LTBP1: variants seen among roughly 807,000 people sequenced by gnomAD.
The protein encoded by LTBP1 is latent transforming growth factor beta binding protein 1, also known as latent-transforming growth factor beta-binding protein 1.
In LTBP1, 129 loss-of-function variants were observed where a neutral mutation model predicts 207.6. That is an observed-to-expected ratio of 0.62 (90% CI 0.54 to 0.72). The LOEUF (loss-of-function observed/expected upper bound fraction) is 0.72. LTBP1 is among the 30% of genes least tolerant of loss of function. LTBP1 has a pLI of 0.00. For missense variants in LTBP1, 2,281 were observed against 2,217.2 expected, an observed-to-expected ratio of 1.03 and a Z score of -0.58; for synonymous variants, 963 against 833.7, an observed-to-expected ratio of 1.16 and a Z score of -2.67.
In LTBP1 at chr2:33,188,616, A is replaced by T. The variant is rs1335528600; in HGVS notation, c.1466A>T (p.His489Leu). The part of the protein sequence containing the change: ...PPNIVNIHVK[H>L]PPEASVQIHQ... Reference sequence around the variant, plus strand: ...AACATAGTCAATATCCATGTGAAACATCCTCCTGAAGCTTCCGTCCAGATA... The same window carrying T: ...AACATAGTCAATATCCATGTGAAACTTCCTCCTGAAGCTTCCGTCCAGATA... The change falls in exon 7 of 34, where the codon CAT (histidine) becomes CTT (leucine). Residue 489 changes from histidine to leucine, a missense_variant. This residue lies in a region of LTBP1 where 1,671 missense variants were observed against 1,634.8 expected (regional missense o/e 1.02). Coordinates refer to ENST00000404816, the MANE Select transcript of LTBP1 (RefSeq NM_206943.4). 5 of 1,613,956 alleles carry T rather than the reference A, an allele frequency of 3.1e-6. No individual in the cohort carries two copies. Among genetic ancestry groups the T allele is most frequent in the Non-Finnish European group, 3.4e-6 (4 of 1,180,008 alleles).
rs577311211 is a variant in LTBP1 at position 33,216,728 on chromosome 2, C to T, written c.1702-824C>T. 1.4e-3 allele frequency among the ~76,000 whole-genome samples: 210 copies of T among 152,312 alleles called. 1 individual carries two copies. The highest frequency in any genetic ancestry group is 4.7e-3 in the African/African-American group (196 of 41,580). On this transcript the variant is annotated intron_variant, in intron 7 of 33. Transcript: ENST00000404816. The stretch of plus-strand genomic sequence containing the variant: ...AGAGTCAGCTGGTCCTCCCCTCAGG[C>T]TGGCCTTTGGATGGGTCCACAGAGC...
chr2:33,148,084 G>A (rs1456941912), intron 5 of LTBP1, among the ~76,000 whole-genome samples: 4 of 152,136 alleles, frequency 2.6e-5, no homozygotes, highest in Non-Finnish European at 5.9e-5. Flanking sequence ...CCAATAGTGT[G>A]GTGGTCTTAT....
chr2:33,154,076 A>G (rs1020366714), intron 5 of LTBP1, among the ~76,000 whole-genome samples: 3 of 152,168 alleles, frequency 2.0e-5, no homozygotes, highest in African/African-American at 7.2e-5. Flanking sequence ...GGTTTCCCAG[A>G]ACTCTGCCTG....
intron 2 of LTBP1, among the ~76,000 whole-genome samples, chr2:32,954,548 G>T (rs868439378): frequency 1.5e-5 from 2 of 135,954 alleles, no homozygotes; most frequent in African/African-American, 2.8e-5. Context: ...TCCACTCCCC[G>T]CCCCCCCCCA....
intron 4 of LTBP1, among the ~76,000 whole-genome samples, chr2:33,132,482 G>A (rs917151226): frequency 1.3e-5 from 2 of 152,188 alleles, no homozygotes; most frequent in Admixed American, 1.3e-4. Context: ...CCAGCTAAGC[G>A]GGTCCACAGA....
chr2:32,959,541 G>GCA (rs200578075), intron 2 of LTBP1, among the ~76,000 whole-genome samples: 5,447 of 113,446 alleles, frequency 0.048, 254 homozygotes, highest in East Asian at 0.2. Flanking sequence ...TATTATTGCT[G>GCA]TATATATATG....
At chr2:33,391,487 A>G (rs2095314085) in intron 32 of LTBP1, among the ~76,000 whole-genome samples, 1 of 152,196 alleles carries the variant, frequency 6.6e-6, no homozygotes, top group Admixed American at 6.5e-5. Flanking sequence ...AAGAAAGCCC[A>G]GCTTGCCCCA....
intron 3 of LTBP1, among the ~76,000 whole-genome samples, chr2:33,096,549 AACG>A (rs1263299080): frequency 2.0e-5 from 3 of 152,220 alleles, no homozygotes; most frequent in African/African-American, 7.2e-5. Context: ...TCCTGACAAG[AACG>A]ACAACAGGAT....
chr2:33,327,836 G>A (rs145860485), intron 24 of LTBP1, among the ~76,000 whole-genome samples: 3 of 151,990 alleles, frequency 2.0e-5, no homozygotes, highest in East Asian at 3.9e-4. Context: ...ATTCAAGTTG[G>A]TGTTTAAAAT....
intron 3 of LTBP1, among the ~76,000 whole-genome samples, chr2:33,040,330 C>T (rs757995515): frequency 1.4e-4 from 21 of 152,292 alleles, no homozygotes; most frequent in African/African-American, 4.8e-4. Context: ...ACACACATGA[C>T]GATTAGCAGA....
chr2:33,331,737 C>A (rs538682666), intron 24 of LTBP1, among the ~76,000 whole-genome samples: 1 of 152,208 alleles, frequency 6.6e-6, no homozygotes, highest in East Asian at 1.9e-4. Context: ...ATCTATATCC[C>A]TACCGATTTT....
At chr2:33,239,273 T>G (rs1189515301) in intron 9 of LTBP1, among the ~76,000 whole-genome samples, 1 of 152,230 alleles carries the variant, frequency 6.6e-6, no homozygotes, top group African/African-American at 2.4e-5. Flanking sequence ...ATGAATTTCT[T>G]TCCTAGTTTC....
intron 31 of LTBP1, among the ~76,000 whole-genome samples, chr2:33,385,388 T>C (rs2095256964): frequency 6.6e-6 from 1 of 152,260 alleles, no homozygotes; most frequent in African/African-American, 2.4e-5. Flanking sequence ...CACTCACTCA[T>C]TATAATACTG....
At chr2:33,362,659 C>A (rs1288605217) in intron 28 of LTBP1, among the ~76,000 whole-genome samples, 1 of 152,158 alleles carries the variant, frequency 6.6e-6, no homozygotes, top group Non-Finnish European at 1.5e-5. Context: ...AGCAAGTCAT[C>A]TATGGAGTCT....
At chr2:33,194,816 A>G (rs79000637) in intron 7 of LTBP1, among the ~76,000 whole-genome samples, 4,497 of 152,342 alleles carry the variant, frequency 0.03, 92 homozygotes, top group Middle Eastern at 0.12. Flanking sequence ...CTAGAGAGAA[A>G]GTCATTGCTT....
In LTBP1 at chr2:33,227,878, C is replaced by T. The variant is rs1247842105; in HGVS notation, c.1876+5727C>T. On this transcript the variant is annotated intron_variant, in intron 9 of 33. Transcript: ENST00000404816. ...GGAGTGCAGTGGCATAATCTTGGCT[C>T]ACTGCAGCCTCTGCCTCCCAGATTC... Among the ~76,000 whole-genome samples the T allele has an allele frequency of 3.6e-5, 5 of 137,376 alleles. No individual in the cohort carries two copies. In the East Asian group the frequency reaches 1.2e-3, roughly 33 times the overall value. 90.1% of individuals were successfully genotyped at this position (137,376 alleles called of 152,430 possible). A position where few individuals can be genotyped will look rare whatever the true frequency, so the allele number is the denominator to read the frequency against.
chr2:33,030,487 G>T (rs531377138), intron 3 of LTBP1, among the ~76,000 whole-genome samples: 1 of 152,110 alleles, frequency 6.6e-6, no homozygotes, highest in Non-Finnish European at 1.5e-5. Flanking sequence ...AACCATTTCC[G>T]TGTAGTGAGG....
intron 5 of LTBP1, among the ~76,000 whole-genome samples, chr2:33,163,168 A>G (rs1169667621): frequency 6.6e-6 from 1 of 152,166 alleles, no homozygotes; most frequent in Non-Finnish European, 1.5e-5. Flanking sequence ...TTATAGAAAC[A>G]GGGTTTTGCC....
chr2:33,124,810 G>C (rs1283347995), intron 4 of LTBP1, among the ~76,000 whole-genome samples: 1 of 152,144 alleles, frequency 6.6e-6, no homozygotes, highest in Non-Finnish European at 1.5e-5. Flanking sequence ...ATTTCACATG[G>C]CCCCTGCCAC....
Sources: gnomAD v4.1 joint callset for allele counts (sites outside exome capture counted in the v4.1 genomes callset) on GRCh38, gnomAD v4.1.1 for gene constraint, gnomAD v4.1.1 regional missense constraint, MANE v1.5 for transcripts, NCBI Gene and HGNC (gene_info 2026-07-23, HGNC 2026-07-21) for gene names.